SASS6: variants seen among roughly 807,000 people sequenced by gnomAD.
SASS6 encodes the protein spindle assembly abnormal protein 6 homolog.
SASS6 carries 59 observed loss-of-function variants against 94.9 expected under a neutral mutation model. The ratio of observed to expected loss-of-function variants is 0.62; its 90% confidence interval spans 0.50 to 0.77. The LOEUF is 0.77. SASS6 is among the 30% of genes least tolerant of loss of function. The probability of loss-of-function intolerance (pLI) is 0.00; values close to 1 mark genes in which losing one functional copy is unlikely to be tolerated. For missense variants in SASS6, 698 were observed against 734.1 expected (o/e 0.95, Z 0.57); for synonymous variants, 264 against 270.0 (o/e 0.98, Z 0.22).
At chr1:100,101,145 G>A (rs1652460784) in intron 14 of SASS6, among the ~76,000 whole-genome samples, 1 of 152,110 alleles carries the variant, frequency 6.6e-6, no homozygotes, top group African/African-American at 2.4e-5. Context: ...AGAGTTGAAT[G>A]TTGTTTGTTT....
At chr1:100,092,883 A>G (rs1158076067) in intron 14 of SASS6, among the ~76,000 whole-genome samples, 1 of 152,038 alleles carries the variant, frequency 6.6e-6, no homozygotes, top group African/African-American at 2.4e-5. Context: ...CCCACTCCAG[A>G]GTTTTAAATA....
At chr1:100,100,416 C>G (rs1570690141) in intron 14 of SASS6, among the ~76,000 whole-genome samples, 1 of 152,358 alleles carries the variant, frequency 6.6e-6, no homozygotes, top group East Asian at 1.9e-4. Flanking sequence ...GCAACTAAAA[C>G]TATGCCTGGC....
intron 14 of SASS6, among the ~76,000 whole-genome samples, chr1:100,097,486 A>C (rs1462739933): frequency 6.6e-6 from 1 of 152,230 alleles, no homozygotes; most frequent in East Asian, 1.9e-4. Context: ...CTACTGACAC[A>C]CATTACAGCC....
At chr1:100,111,989 A>AAAAGTG (rs1197113074) in intron 7 of SASS6, among the ~76,000 whole-genome samples, 1 of 152,136 alleles carries the variant, frequency 6.6e-6, no homozygotes, top group Non-Finnish European at 1.5e-5. Context: ...TGTTTAAAAA[A>AAAAGTG]AAAGTGTGAG....
At chr1:100,093,330 T>G (rs1470828094) in intron 14 of SASS6, among the ~76,000 whole-genome samples, 1 of 152,036 alleles carries the variant, frequency 6.6e-6, no homozygotes, top group Non-Finnish European at 1.5e-5. Context: ...CAGGTGTGTG[T>G]GACCACACCT....
chr1:100,122,467 C>T lies in SASS6; in HGVS notation c.224G>A (p.Gly75Asp), dbSNP rs1482751106. 2.6e-6 allele frequency: 4 copies of T among 1,524,658 alleles called. No homozygotes were observed. The South Asian group carries it at 3.4e-5, about 13-fold the overall frequency. The allele number at this position is 1,524,658 out of a possible 1,614,324, so 94.4% of individuals were successfully genotyped here. A position where few individuals can be genotyped will look rare whatever the true frequency, so the allele number is the denominator to read the frequency against. The change falls in exon 4 of 17, where the codon GGT becomes GAT. Residue 75 changes from glycine to aspartate, a missense_variant. Gly to Asp is a moderately conservative substitution (Grantham distance 94). Transcript: ENST00000287482. ...GAAAGCTAAGAAGTCTACCAGAAGA[C>T]CTTGCTGGAATTTTAAACTATACAG... ...EDFQSLKFQQ[G>D]LLVDFLAFPQ...
At chr1:100,114,882 G>GA (rs943903250) in intron 7 of SASS6, among the ~76,000 whole-genome samples, 1 of 152,042 alleles carries the variant, frequency 6.6e-6, no homozygotes, top group African/African-American at 2.4e-5. Flanking sequence ...TATTAAAGGG[G>GA]AAAAATGACG....
At chr1:100,122,548 CCTTT>C in intron 3 of SASS6, 64 bp from the exon 4 acceptor site, 2 of 390,268 alleles carry the variant, frequency 5.1e-6, no homozygotes, top group Non-Finnish European at 8.3e-6. Context: ...TGTTTTGGTG[CCTTT>C]TTTTTTTTTT....
intron 14 of SASS6, among the ~76,000 whole-genome samples, chr1:100,089,958 CA>C (rs1216096577): frequency 3.5e-4 from 53 of 149,664 alleles, no homozygotes; most frequent in African/African-American, 1.3e-3. Flanking sequence ...ACAACAGTAG[CA>C]AAAAGAAGGG....
At chr1:100,120,982 G>A (rs1174260669) in intron 5 of SASS6, among the ~76,000 whole-genome samples, 4 of 149,392 alleles carry the variant, frequency 2.7e-5, no homozygotes, top group Non-Finnish European at 4.5e-5. Flanking sequence ...CCCGGGAGGC[G>A]GAGCTTGCAG....
At chr1:100,097,008 G>A (rs996696734) in intron 14 of SASS6, among the ~76,000 whole-genome samples, 3 of 152,092 alleles carry the variant, frequency 2.0e-5, no homozygotes, top group Non-Finnish European at 4.4e-5. Flanking sequence ...CCAGCTACTC[G>A]GGAGGCTGAG....
intron 14 of SASS6, among the ~76,000 whole-genome samples, chr1:100,088,648 T>C (rs1036264170): frequency 6.6e-6 from 1 of 152,032 alleles, no homozygotes; most frequent in African/African-American, 2.4e-5. Context: ...ATCTACACCA[T>C]AAAAATACAG....
intron 7 of SASS6, among the ~76,000 whole-genome samples, chr1:100,114,391 C>G: frequency 6.6e-6 from 1 of 151,760 alleles, no homozygotes; most frequent in East Asian, 1.9e-4. Flanking sequence ...AATATAAATA[C>G]AAACATCCTG....
chr1:100,121,923 T>A (rs1654230436), intron 4 of SASS6, among the ~76,000 whole-genome samples: 2 of 152,330 alleles, frequency 1.3e-5, no homozygotes, highest in South Asian at 4.1e-4. Flanking sequence ...AAGTTCTTCT[T>A]TATAGAAGAA....
At chr1:100,089,897 TAAAGA>T (rs1391603269) in intron 14 of SASS6, among the ~76,000 whole-genome samples, 1 of 150,270 alleles carries the variant, frequency 6.7e-6, no homozygotes, top group Non-Finnish European at 1.5e-5. Context: ...CTTGATTGTT[TAAAGA>T]AAAAAAAAAA....
chr1:100,097,799 T>C (rs1349830595), intron 14 of SASS6, among the ~76,000 whole-genome samples: 1 of 152,148 alleles, frequency 6.6e-6, no homozygotes, highest in Non-Finnish European at 1.5e-5. Context: ...CACTGCACTC[T>C]ATCCTGGATG....
intron 11 of SASS6, 72 bp downstream of exon 11, chr1:100,107,302 T>C: frequency 2.2e-6 from 2 of 918,888 alleles, no homozygotes; most frequent in South Asian, 3.1e-5. Flanking sequence ...CATTTGTTAA[T>C]GTAACAAAGC....
intron 8 of SASS6, 36 bp downstream of exon 8, chr1:100,110,256 T>C: frequency 1.5e-6 from 2 of 1,335,088 alleles, no homozygotes; most frequent in Non-Finnish European, 2.0e-6. Context: ...AAACGTTCTC[T>C]TAAATTGGGG....
At chr1:100,105,656 C>G in intron 13 of SASS6, 111 bp downstream of exon 13, 1 of 991,396 alleles carries the variant, frequency 1.0e-6, no homozygotes, top group Middle Eastern at 2.1e-4. Flanking sequence ...TGTAGGACTC[C>G]ACTTTGTATT....
Sources: gnomAD v4.1 joint callset for allele counts (sites outside exome capture counted in the v4.1 genomes callset) on GRCh38, gnomAD v4.1.1 for gene constraint, MANE v1.5 for transcripts, NCBI Gene and HGNC (gene_info 2026-07-23, HGNC 2026-07-21) for gene names.